CR1: variants seen among roughly 807,000 people sequenced by gnomAD.
CR1 encodes complement C3b/C4b receptor 1 (Knops blood group), also known as complement receptor type 1.
Under a neutral mutation model 187.3 loss-of-function variants are expected in CR1, and 116 were observed. That is an observed-to-expected ratio of 0.62 (90% CI 0.53 to 0.72). The LOEUF (loss-of-function observed/expected upper bound fraction) is 0.72, where lower values mean the gene tolerates loss of function less well. Ranked by LOEUF, CR1 falls within the 30% of genes least tolerant of loss-of-function variation. The pLI is 0.00. For missense variants in CR1, 1,731 were observed against 2,110.7 expected, an observed-to-expected ratio of 0.82 and a Z score of 3.52; for synonymous variants, 576 against 747.1, an observed-to-expected ratio of 0.77 and a Z score of 3.73.
At position 207,620,056 on chromosome 1, in the gene CR1, T is replaced by A; in HGVS notation, c.7243T>A (p.Cys2415Ser). The change falls in exon 43 of 47, where the codon TGT (cysteine) becomes AGT (serine). Residue 2415 changes from cysteine (C) to serine (S), a missense_variant. Cys to Ser is a moderately radical substitution (Grantham distance 112). This residue lies in a region of CR1 where 1,312 missense variants were observed against 1,379.6 expected (regional missense o/e 0.95). Coordinates refer to ENST00000367049, the MANE Select transcript of CR1 (RefSeq NM_000651.6). Reference protein sequence around the residue: ...DDRWDPPLAKCTSRTHDALIV... With the variant: ...DDRWDPPLAKSTSRTHDALIV... ...CAGATGGGACCCTCCTCTGGCCAAATGTACCTCTCGTAAGTGCAAGTGCAA... is the reference window on the plus strand; with the variant it reads ...CAGATGGGACCCTCCTCTGGCCAAAAGTACCTCTCGTAAGTGCAAGTGCAA... The A allele has an allele frequency of 3.1e-6, 5 of 1,609,840 alleles. No individual in the cohort carries two copies. Among genetic ancestry groups the A allele is most frequent in the Non-Finnish European group, 4.2e-6 (5 of 1,178,934 alleles).
chr1:207,581,205 G>GTATACATATGGACACGTATATGTAT (rs1660930466), intron 31 of CR1, among the ~76,000 whole-genome samples: 13 of 138,978 alleles, frequency 9.4e-5, no homozygotes, highest in African/African-American at 3.6e-4. Context: ...CGTATATGTA[G>GTATACATATGGACACGTATATGTAT]ACGTATACAT....
At chr1:207,518,193 C>T (rs1437856914) in intron 4 of CR1, among the ~76,000 whole-genome samples, 1 of 151,990 alleles carries the variant, frequency 6.6e-6, no homozygotes, top group African/African-American at 2.4e-5. Flanking sequence ...TTTAATATCT[C>T]CTCTGACCCA....
intron 3 of CR1, among the ~76,000 whole-genome samples, chr1:207,508,220 C>T (rs1659504875): frequency 6.6e-6 from 1 of 152,132 alleles, no homozygotes; most frequent in Non-Finnish European, 1.5e-5. Context: ...ACAGTAGGTA[C>T]ATGTCATAAT....
intron 35 of CR1, 111 bp from the exon 36 acceptor site, chr1:207,607,140 A>G (rs1225399571): frequency 2.6e-6 from 2 of 773,108 alleles, no homozygotes; most frequent in Non-Finnish European, 4.4e-6. Context: ...GAGGTCTGCC[A>G]TGGTGTAATC....
chr1:207,502,766 G>A (rs901060744), intron 1 of CR1, among the ~76,000 whole-genome samples: 7 of 152,226 alleles, frequency 4.6e-5, no homozygotes, highest in African/African-American at 1.7e-4. Context: ...AGAAAGCACA[G>A]AGTTAGGCTT....
intron 35 of CR1, among the ~76,000 whole-genome samples, chr1:207,601,290 A>C (rs1332928016): frequency 3.9e-5 from 6 of 152,160 alleles, no homozygotes; most frequent in Non-Finnish European, 8.8e-5. Context: ...TATCTTCTCT[A>C]TTCTAATAAA....
intron 34 of CR1, 109 bp from the exon 35 acceptor site, chr1:207,588,566 T>C (rs1661178878): frequency 5.6e-6 from 4 of 717,700 alleles, no homozygotes; most frequent in African/African-American, 1.8e-5. Flanking sequence ...GTCAATTCCA[T>C]GAAACAATTG....
chr1:207,505,911 C>T lies in CR1; in HGVS notation c.129C>T (p.Cys43=). 1 of 1,613,348 alleles carries T rather than the reference C, an allele frequency of 6.2e-7. No homozygotes were observed. Among genetic ancestry groups the T allele is most frequent in the Non-Finnish European group, 8.5e-7 (1 of 1,179,562 alleles). Residue 43 remains cysteine (C), a synonymous_variant, in exon 2 of 47, where the codon TGC becomes TGT. Coordinates refer to ENST00000367049, the MANE Select transcript of CR1 (RefSeq NM_000651.6). ...LLALPVAWGQ[C]NAPEWLPFAR... Reference sequence around the variant, plus strand: ...TATGGTCTTGATCTCCAGGTCAATGCAATGCCCCAGAATGGCTTCCATTTG... The same window carrying T: ...TATGGTCTTGATCTCCAGGTCAATGTAATGCCCCAGAATGGCTTCCATTTG...
At chr1:207,580,782 A>G (rs1259932301) in intron 31 of CR1, among the ~76,000 whole-genome samples, 169 bp downstream of exon 31, 1 of 152,192 alleles carries the variant, frequency 6.6e-6, no homozygotes, top group Non-Finnish European at 1.5e-5. Flanking sequence ...CACTACTATC[A>G]GGAGATAAAG....
chr1:207,607,482 C>A lies in CR1; in HGVS notation c.5896+146C>A, dbSNP rs191415771. 3.5e-5 allele frequency: 22 copies of A among 635,466 alleles called. 1 individual carries two copies. In the East Asian group the frequency reaches 6.0e-4, roughly 17 times the overall value. The allele number at this position is 635,466 out of a possible 1,614,324, so 39.4% of individuals were successfully genotyped here. A position where few individuals can be genotyped will look rare whatever the true frequency, so the allele number is the denominator to read the frequency against. On this transcript the variant is annotated intron_variant, in intron 36 of 46. Coordinates refer to ENST00000367049, the MANE Select transcript of CR1 (RefSeq NM_000651.6). Reference sequence around the variant, plus strand: ...GTCAGATGCTTCATGGTCTTCCTGGCTTTTCTTTATCTTAAAAGGTGATTT... The same window carrying A: ...GTCAGATGCTTCATGGTCTTCCTGGATTTTCTTTATCTTAAAAGGTGATTT...
chr1:207,622,740 G>T (rs56348576), intron 44 of CR1, among the ~76,000 whole-genome samples: 1 of 152,282 alleles, frequency 6.6e-6, no homozygotes, highest in African/African-American at 2.4e-5. Context: ...GCCCCATCAC[G>T]GTTCTCACTT....
intron 39 of CR1, among the ~76,000 whole-genome samples, chr1:207,612,622 C>T (rs574718674): frequency 5.9e-5 from 9 of 152,360 alleles, no homozygotes; most frequent in South Asian, 2.1e-4. Flanking sequence ...CCAGGCTCAC[C>T]GCAGGAAACA....
At position 207,565,868 on chromosome 1, in the gene CR1, T is replaced by C. The variant is rs769977506; in HGVS notation, c.3897T>C (p.Tyr1299=). The stretch of plus-strand genomic sequence containing the variant: ...AATTAAAAGGCAGCTCTGCTAGTTA[T>C]TGTGTCTTGGCTGGAATGGAAAGCC... ...GFQLKGSSAS[Y]CVLAGMESLW... is the part of the protein sequence containing the mutation. The change falls in exon 24 of 47, where the codon TAT becomes TAC. Residue 1299 remains tyrosine (Y), a synonymous_variant. Transcript: ENST00000367049. The C allele has an allele frequency of 2.2e-5, 35 of 1,610,820 alleles. 1 individual carries two copies. Among genetic ancestry groups the C allele is most frequent in the East Asian group, 6.7e-5 (3 of 44,886 alleles).
chr1:207,565,592 C>T (rs1275442922), intron 23 of CR1, among the ~76,000 whole-genome samples: 1 of 150,192 alleles, frequency 6.7e-6, no homozygotes, highest in Non-Finnish European at 1.5e-5. Context: ...GGGGATGGCG[C>T]CTATGTCATG....
At chr1:207,507,631 T>C (rs895302929) in intron 3 of CR1, 2 of 152,302 alleles carry the variant, frequency 1.3e-5, no homozygotes, top group African/African-American at 4.8e-5. Context: ...GACATCAATA[T>C]ATTTCGGGGT....
chr1:207,565,314 A>G (rs1347771373), intron 23 of CR1, among the ~76,000 whole-genome samples: 1 of 150,296 alleles, frequency 6.7e-6, no homozygotes, highest in Non-Finnish European at 1.5e-5. Flanking sequence ...CCCCTAGAAT[A>G]TTCATGCTTA....
intron 32 of CR1, among the ~76,000 whole-genome samples, chr1:207,583,597 C>T (rs942890586): frequency 1.3e-5 from 2 of 152,124 alleles, no homozygotes; most frequent in African/African-American, 4.8e-5. Flanking sequence ...GTATTGCTTC[C>T]CCTTCTGATC....
At chr1:207,635,234 G>A (rs559321704) in intron 46 of CR1, among the ~76,000 whole-genome samples, 7 of 152,130 alleles carry the variant, frequency 4.6e-5, no homozygotes, top group South Asian at 2.1e-4. Flanking sequence ...CCAGGGGACC[G>A]GTGTTCAGCA....
intron 1 of CR1, among the ~76,000 whole-genome samples, chr1:207,498,375 A>C (rs1659155009): frequency 6.6e-6 from 1 of 152,234 alleles, no homozygotes; most frequent in Non-Finnish European, 1.5e-5. Flanking sequence ...TGCATACGAC[A>C]AAAAATAGCA....
Sources: gnomAD v4.1 joint callset for allele counts (sites outside exome capture counted in the v4.1 genomes callset) on GRCh38, gnomAD v4.1.1 for gene constraint, gnomAD v4.1.1 regional missense constraint, MANE v1.5 for transcripts, NCBI Gene and HGNC (gene_info 2026-07-23, HGNC 2026-07-21) for gene names.